The following TEC variants were observed in gnomAD, a reference collection of about 807,000 sequenced individuals.
TEC encodes the protein tyrosine-protein kinase Tec.
A neutral mutation model predicts 93.0 loss-of-function variants in TEC; 72 were observed. The observed-to-expected ratio is 0.77, with a 90% CI of 0.64 to 0.94. TEC has a LOEUF of 0.94. TEC is among the 40% of genes least tolerant of loss of function. TEC has a pLI of 0.00. For missense variants in TEC, 630 were observed against 757.9 expected, an observed-to-expected ratio of 0.83 and a Z score of 1.98; for synonymous variants, 249 against 247.7, an observed-to-expected ratio of 1.01 and a Z score of -0.05.
chr4:48,268,285 T>C (rs1239528935), intron 1 of TEC, among the ~76,000 whole-genome samples: 2 of 152,214 alleles, frequency 1.3e-5, no homozygotes, highest in Admixed American at 1.3e-4. Context: ...TATTGCCAAC[T>C]AGAGTAAAGC....
At chr4:48,224,321 T>C (rs1468664810) in intron 2 of TEC, among the ~76,000 whole-genome samples, 1 of 152,238 alleles carries the variant, frequency 6.6e-6, no homozygotes, top group Admixed American at 6.5e-5. Flanking sequence ...ACTACTTCAA[T>C]TTTTTAAATT....
intron 1 of TEC, among the ~76,000 whole-genome samples, chr4:48,267,297 C>T (rs1458486924): frequency 1.3e-5 from 2 of 152,110 alleles, no homozygotes; most frequent in East Asian, 1.9e-4. Flanking sequence ...ACAGTAGCTG[C>T]GGTCATCTGA....
chr4:48,250,454 C>T (rs1724170566), intron 1 of TEC, among the ~76,000 whole-genome samples: 1 of 152,150 alleles, frequency 6.6e-6, no homozygotes, highest in South Asian at 2.1e-4. Context: ...TTTGGCAATG[C>T]CCTCCCACAC....
rs1721103339 is a variant in TEC at position 48,171,346 on chromosome 4, G to A, written c.325+22C>T. 4 of 1,590,152 alleles carry A rather than the reference G, an allele frequency of 2.5e-6. No individual in the cohort carries two copies. In the East Asian group the frequency reaches 9.0e-5, roughly 36 times the overall value. On this transcript the variant is annotated intron_variant, in intron 4 of 17. Coordinates refer to ENST00000381501, the MANE Select transcript of TEC (RefSeq NM_003215.3). ...TACATCTCCTAAAATTATATACAGA[G>A]TAATATTTCATTGAGTTTTACCTTC...
chr4:48,174,468 G>A (rs1423860567), intron 3 of TEC, among the ~76,000 whole-genome samples: 1 of 152,112 alleles, frequency 6.6e-6, no homozygotes, highest in Non-Finnish European at 1.5e-5. Flanking sequence ...AGACCAGCCT[G>A]GCCAACATGG....
intron 8 of TEC, among the ~76,000 whole-genome samples, chr4:48,157,057 C>A (rs1720431945): frequency 6.6e-6 from 1 of 152,188 alleles, no homozygotes; most frequent in South Asian, 2.1e-4. Flanking sequence ...TATAGGTCTA[C>A]ATATGATAGT....
At chr4:48,190,444 A>T (rs1293205445) in intron 2 of TEC, among the ~76,000 whole-genome samples, 3 of 152,236 alleles carry the variant, frequency 2.0e-5, no homozygotes, top group Non-Finnish European at 1.5e-5. Flanking sequence ...TGACTCCAGG[A>T]TTTCAGACCA....
intron 11 of TEC, among the ~76,000 whole-genome samples, chr4:48,147,134 G>A (rs570551950): frequency 6.6e-6 from 1 of 152,076 alleles, no homozygotes; most frequent in South Asian, 2.1e-4. Flanking sequence ...ACTTATACAG[G>A]AACACGGAAG....
At chr4:48,148,673 G>C (rs1413590385) in intron 11 of TEC, among the ~76,000 whole-genome samples, 1 of 152,122 alleles carries the variant, frequency 6.6e-6, no homozygotes, top group East Asian at 1.9e-4. Flanking sequence ...ACATAAATGT[G>C]AACTTTTTAA....
intron 1 of TEC, among the ~76,000 whole-genome samples, chr4:48,233,647 A>AAT (rs397721636): frequency 7.9e-5 from 12 of 151,632 alleles, no homozygotes; most frequent in Non-Finnish European, 1.6e-4. Flanking sequence ...GTTAAAAAAA[A>AAT]CTCAACAAAA....
intron 8 of TEC, among the ~76,000 whole-genome samples, chr4:48,160,797 AAGAAAG>A (rs1158646875): frequency 2.0e-4 from 27 of 132,464 alleles, no homozygotes; most frequent in Admixed American, 1.4e-3. Flanking sequence ...GAAAAGAAGA[AAGAAAG>A]AGAAAGAGAA....
chr4:48,163,952 T>C (rs1406314771), intron 7 of TEC, among the ~76,000 whole-genome samples, 185 bp from the exon 8 acceptor site: 1 of 152,244 alleles, frequency 6.6e-6, no homozygotes, highest in Non-Finnish European at 1.5e-5. Context: ...CTTTCACTTT[T>C]GGTCTCCATA....
chr4:48,225,765 A>G (rs2704423), intron 2 of TEC, among the ~76,000 whole-genome samples: 89,068 of 151,198 alleles, frequency 0.59, 26,349 homozygotes, highest in Non-Finnish European at 0.61. Flanking sequence ...AGAGGCAAAC[A>G]AATCTGTGAC....
At chr4:48,257,549 C>T (rs539008348) in intron 1 of TEC, among the ~76,000 whole-genome samples, 1 of 152,198 alleles carries the variant, frequency 6.6e-6, no homozygotes, top group Non-Finnish European at 1.5e-5. Context: ...GTTACAGAAC[C>T]TCCCTGAACT....
chr4:48,179,149 A>G (rs997584895), intron 2 of TEC, among the ~76,000 whole-genome samples: 43 of 151,794 alleles, frequency 2.8e-4, no homozygotes, highest in African/African-American at 9.4e-4. Context: ...CAAAAAGACA[A>G]TAGGACAAGC....
chr4:48,227,335 A>G (rs1022194704), intron 2 of TEC, among the ~76,000 whole-genome samples: 5 of 152,158 alleles, frequency 3.3e-5, no homozygotes, highest in African/African-American at 9.7e-5. Flanking sequence ...TACTCTAGAA[A>G]AAAAACAGAA....
intron 8 of TEC, among the ~76,000 whole-genome samples, chr4:48,159,552 T>TA (rs1327978849): frequency 1.4e-5 from 2 of 143,256 alleles, no homozygotes; most frequent in African/African-American, 2.8e-5. Flanking sequence ...GCCACCACGC[T>TA]AATTTTTTTT....
chr4:48,219,451 C>G (rs1223420301), intron 2 of TEC, among the ~76,000 whole-genome samples: 1 of 152,226 alleles, frequency 6.6e-6, no homozygotes, highest in African/African-American at 2.4e-5. Context: ...TGGTGCTGTG[C>G]TTCAATGGTC....
Position 48,145,120 on chromosome 4 carries a change from T to C in TEC, c.1429A>G (p.Met477Val). ...LSMCQDVCEG[M>V]EYLERNSFIH... Reference sequence around the variant, plus strand: ...AAGCTGTTTCTCTCCAGATACTCCATCCCTTCACACACATCCTGACACATG... The same window carrying C: ...AAGCTGTTTCTCTCCAGATACTCCACCCCTTCACACACATCCTGACACATG... The change falls in exon 14 of 18, where the codon ATG (methionine) becomes GTG (valine). Residue 477 changes from methionine (M) to valine (V), a missense_variant. This residue lies in a region of TEC where 289 missense variants were observed against 390.0 expected (regional missense o/e 0.74). Transcript: ENST00000381501. 1 of 1,613,988 alleles carries C rather than the reference T, an allele frequency of 6.2e-7. No individual in the cohort carries two copies. Among genetic ancestry groups the C allele is most frequent in the Non-Finnish European group, 8.5e-7 (1 of 1,179,896 alleles).
Sources: allele counts gnomAD v4.1 joint callset (sites outside exome capture counted in the v4.1 genomes callset), GRCh38; gene constraint gnomAD v4.1.1; regional missense constraint gnomAD v4.1.1; transcripts MANE v1.5; gene names NCBI Gene and HGNC (gene_info 2026-07-23, HGNC 2026-07-21).